GUCY1A2: variants seen among roughly 807,000 people sequenced by gnomAD.
GUCY1A2 encodes guanylate cyclase 1 soluble subunit alpha 2.
Under a neutral mutation model 63.5 loss-of-function variants are expected in GUCY1A2, and 27 were observed. That is an observed-to-expected ratio of 0.43 (90% CI 0.31 to 0.59). The LOEUF (loss-of-function observed/expected upper bound fraction) is 0.59, where lower values mean the gene tolerates loss of function less well. Ranked by LOEUF, GUCY1A2 falls within the 20% of genes least tolerant of loss-of-function variation. GUCY1A2 has a pLI of 0.11. For missense variants in GUCY1A2, 768 were observed against 913.3 expected (o/e 0.84, Z 2.05); for synonymous variants, 364 against 343.5 (o/e 1.06, Z -0.66).
chr11:106,960,363 T>C (rs1283912832), intron 3 of GUCY1A2, among the ~76,000 whole-genome samples: 2 of 152,148 alleles, frequency 1.3e-5, no homozygotes, highest in Non-Finnish European at 2.9e-5. Context: ...CCAGGAACAC[T>C]AAGGAATTAG....
chr11:106,835,084 GA>G (rs904850781), intron 4 of GUCY1A2, among the ~76,000 whole-genome samples: 4 of 151,608 alleles, frequency 2.6e-5, no homozygotes, highest in Non-Finnish European at 5.9e-5. Flanking sequence ...GAGTAGGTAG[GA>G]AAAAACATAA....
chr11:106,709,432 T>A (rs1212786108), intron 6 of GUCY1A2, among the ~76,000 whole-genome samples: 1 of 89,436 alleles, frequency 1.1e-5, no homozygotes, highest in African/African-American at 5.1e-5. Context: ...TATATATAAG[T>A]ATATATAATA....
chr11:106,919,237 G>C (rs1200321781), intron 4 of GUCY1A2, among the ~76,000 whole-genome samples: 4 of 151,996 alleles, frequency 2.6e-5, no homozygotes, highest in Non-Finnish European at 4.4e-5. Context: ...ATCACAAATT[G>C]GCATACGTTG....
chr11:106,712,572 ACTT>A (rs757274277), intron 6 of GUCY1A2, among the ~76,000 whole-genome samples: 1 of 144,096 alleles, frequency 6.9e-6, no homozygotes, highest in South Asian at 2.3e-4. Flanking sequence ...CATAAATTTG[ACTT>A]CTTAAGTGCT....
intron 6 of GUCY1A2, among the ~76,000 whole-genome samples, chr11:106,769,717 T>A (rs1224223846): frequency 6.6e-6 from 1 of 152,122 alleles, no homozygotes; most frequent in Non-Finnish European, 1.5e-5. Flanking sequence ...TGCCACTATA[T>A]GCATTATCTA....
intron 4 of GUCY1A2, among the ~76,000 whole-genome samples, chr11:106,870,097 G>A (rs1356471992): frequency 8.3e-6 from 1 of 120,464 alleles, no homozygotes; most frequent in African/African-American, 3.2e-5. Flanking sequence ...ACACACCAGG[G>A]CCTCTTGTGA....
rs142611913 is a variant in GUCY1A2, at chr11:106,799,692, A to G, written c.1692+10301T>C. On this transcript the variant is annotated intron_variant, in intron 5 of 7. Coordinates refer to ENST00000526355, the MANE Select transcript of GUCY1A2 (RefSeq NM_000855.3). Reference sequence around the variant, plus strand: ...CTGGGAAAACTGGCTAGCCATATGTAGGAAGCTGAAACTAGATCCCTTCCT... The same window carrying G: ...CTGGGAAAACTGGCTAGCCATATGTGGGAAGCTGAAACTAGATCCCTTCCT... Among the ~76,000 whole-genome samples the G allele has an allele frequency of 7.6e-3, 1,158 of 152,348 alleles. 21 individuals are homozygous for G. The highest frequency in any genetic ancestry group is 0.027 in the African/African-American group (1,106 of 41,580).
At chr11:106,769,063 A>G (rs1418975148) in intron 6 of GUCY1A2, among the ~76,000 whole-genome samples, 4 of 152,148 alleles carry the variant, frequency 2.6e-5, no homozygotes, top group African/African-American at 9.7e-5. Flanking sequence ...AAGCACACTA[A>G]AATTTCCCTG....
intron 4 of GUCY1A2, among the ~76,000 whole-genome samples, chr11:106,871,627 G>C (rs1010979577): frequency 4.6e-5 from 7 of 152,156 alleles, no homozygotes; most frequent in African/African-American, 1.7e-4. Flanking sequence ...TCACCTTAAG[G>C]TCATTTGATT....
intron 7 of GUCY1A2, among the ~76,000 whole-genome samples, chr11:106,696,057 A>G (rs757354462): frequency 1.3e-5 from 2 of 152,158 alleles, no homozygotes; most frequent in Non-Finnish European, 2.9e-5. Flanking sequence ...GTATAGGTTC[A>G]TACTCTGCAT....
chr11:106,745,179 T>G (rs970793891), intron 6 of GUCY1A2, among the ~76,000 whole-genome samples: 23 of 152,218 alleles, frequency 1.5e-4, no homozygotes, highest in African/African-American at 5.5e-4. Flanking sequence ...AAGCAGTTAC[T>G]ATATTACTAT....
At position 107,018,105 on chromosome 11, in the gene GUCY1A2, C is replaced by A; in HGVS notation, c.-50G>T. On this transcript the variant is annotated 5_prime_UTR_variant, in exon 1 of 8. Coordinates refer to ENST00000526355, the MANE Select transcript of GUCY1A2 (RefSeq NM_000855.3). ...GAGGCGGTGGCGGCGAGGACGCGAG[C>A]GGCGGCGGAGGCGGCGGTGGCGGGA... The A allele has an allele frequency of 7.8e-7, 1 of 1,281,068 alleles. No homozygotes were observed. Among genetic ancestry groups the A allele is most frequent in the Non-Finnish European group, 1.0e-6 (1 of 975,940 alleles). 79.4% of individuals were successfully genotyped at this position (1,281,068 alleles called of 1,614,324 possible).
chr11:106,762,638 A>G (rs892437490), intron 6 of GUCY1A2, among the ~76,000 whole-genome samples: 5 of 152,116 alleles, frequency 3.3e-5, no homozygotes, highest in African/African-American at 9.6e-5. Context: ...TCTGTATACT[A>G]CATATAAATT....
chr11:106,957,605 G>A (rs1861004051), intron 3 of GUCY1A2, among the ~76,000 whole-genome samples: 1 of 151,910 alleles, frequency 6.6e-6, no homozygotes, highest in African/African-American at 2.4e-5. Context: ...TCTGTGGTCA[G>A]GCCAGCCTTC....
At chr11:106,720,736 CT>C in intron 6 of GUCY1A2, among the ~76,000 whole-genome samples, 1 of 152,104 alleles carries the variant, frequency 6.6e-6, no homozygotes, top group East Asian at 1.9e-4. Flanking sequence ...GTAAATCAAA[CT>C]GTCATAACTA....
chr11:106,870,215 C>T (rs1436608041), intron 4 of GUCY1A2, among the ~76,000 whole-genome samples: 1 of 151,640 alleles, frequency 6.6e-6, no homozygotes, highest in African/African-American at 2.4e-5. Context: ...GTAACAAACC[C>T]ATACATTGTG....
chr11:106,871,869 G>A (rs1409357564), intron 4 of GUCY1A2, among the ~76,000 whole-genome samples: 1 of 152,130 alleles, frequency 6.6e-6, no homozygotes, highest in East Asian at 1.9e-4. Flanking sequence ...GTATAGACAG[G>A]AAAATATTAG....
chr11:106,996,967 G>C (rs547567693), intron 1 of GUCY1A2, among the ~76,000 whole-genome samples: 9 of 152,230 alleles, frequency 5.9e-5, no homozygotes, highest in African/African-American at 2.2e-4. Flanking sequence ...TGATGCACTA[G>C]ATTCCTAAGT....
rs895847532 is a variant in GUCY1A2, at chr11:106,798,615, C to G, written c.1692+11378G>C. Among the ~76,000 whole-genome samples, 33 of 152,116 alleles carry G rather than the reference C, an allele frequency of 2.2e-4. 1 individual carries two copies. Among genetic ancestry groups the G allele is most frequent in the Non-Finnish European group, 1.2e-4 (8 of 68,036 alleles). ...GGATGCAAGGCTGGCTCAACATATG[C>G]AAATCAATAAATGTAATCCAGCATA... On this transcript the variant is annotated intron_variant, in intron 5 of 7. Coordinates refer to ENST00000526355, the MANE Select transcript of GUCY1A2 (RefSeq NM_000855.3).
Sources: gnomAD v4.1 joint callset for allele counts (sites outside exome capture counted in the v4.1 genomes callset) on GRCh38, gnomAD v4.1.1 for gene constraint, MANE v1.5 for transcripts, NCBI Gene and HGNC (gene_info 2026-07-23, HGNC 2026-07-21) for gene names.